Variants in NBAS observed in about 807,000 individuals in gnomAD.
NBAS encodes the protein NBAS subunit of NRZ tethering complex, also known as NAG/BC035112 fusion.
A neutral mutation model predicts 302.5 loss-of-function variants in NBAS; 219 were observed. The observed-to-expected ratio is 0.72, with a 90% CI of 0.65 to 0.81. NBAS has a LOEUF of 0.81. NBAS is among the 30% of genes least tolerant of loss of function. The probability of loss-of-function intolerance (pLI) is 0.00; values close to 1 mark genes in which losing one functional copy is unlikely to be tolerated. For synonymous variants in NBAS, 1,118 were observed against 1,021.6 expected (o/e 1.09, Z -1.80); for missense variants, 2,932 against 2,841.6 (o/e 1.03, Z -0.72).
In NBAS at chr2:15,505,685, A is replaced by G. The variant is rs192457750; in HGVS notation, c.886-1472T>C. ...AATATCATAAAAATGAACAAGAAAGAGATTCACAATAGTTTGCAGACATGA... is the reference window on the plus strand; with the variant it reads ...AATATCATAAAAATGAACAAGAAAGGGATTCACAATAGTTTGCAGACATGA... On this transcript the variant is annotated intron_variant, in intron 10 of 51. Transcript: ENST00000281513. Among the ~76,000 whole-genome samples, 467 of 152,326 alleles carry G rather than the reference A, an allele frequency of 3.1e-3. 1 individual carries two copies. The highest frequency in any genetic ancestry group is 0.01 in the African/African-American group (433 of 41,568).
intron 26 of NBAS, among the ~76,000 whole-genome samples, chr2:15,399,432 G>C (rs6753645): frequency 0.63 from 95,108 of 151,882 alleles, 30,540 homozygotes; most frequent in Middle Eastern, 0.69. Context: ...GGGAACAACA[G>C]TTTGCTACAA....
chr2:15,371,926 G>A (rs1013609857), intron 31 of NBAS, among the ~76,000 whole-genome samples: 10 of 152,098 alleles, frequency 6.6e-5, no homozygotes, highest in African/African-American at 1.4e-4. Context: ...ATACCTTTAA[G>A]TATAAAAATA....
intron 35 of NBAS, among the ~76,000 whole-genome samples, chr2:15,349,070 A>C (rs915873638): frequency 1.3e-5 from 2 of 152,218 alleles, no homozygotes; most frequent in Non-Finnish European, 2.9e-5. Flanking sequence ...ATAACACTAA[A>C]GGCACCAAAG....
At chr2:15,210,791 A>G (rs536309126) in intron 48 of NBAS, among the ~76,000 whole-genome samples, 4 of 152,360 alleles carry the variant, frequency 2.6e-5, no homozygotes, top group South Asian at 4.1e-4. Context: ...CTATTCAGCC[A>G]TAAAAAGAAT....
At chr2:15,226,909 CTT>C (rs372211969) in intron 47 of NBAS, among the ~76,000 whole-genome samples, 12 of 152,264 alleles carry the variant, frequency 7.9e-5, no homozygotes, top group African/African-American at 2.4e-4. Context: ...ACTTCCTTCT[CTT>C]GTCTTATTGC....
At chr2:14,791,646 A>G in the NBAS span, among the ~76,000 whole-genome samples, 1 of 151,966 alleles carries the variant, frequency 6.6e-6, no homozygotes, top group Non-Finnish European at 1.5e-5. Context: ...TACTAAAAAT[A>G]CAAAAAAACT....
chr2:15,443,313 T>G (rs1360564057), intron 21 of NBAS, among the ~76,000 whole-genome samples: 1 of 150,476 alleles, frequency 6.6e-6, no homozygotes, highest in African/African-American at 2.4e-5. Context: ...CATGATCAAG[T>G]GGGCTTCATC....
intron 47 of NBAS, among the ~76,000 whole-genome samples, chr2:15,228,364 A>C (rs921224683): frequency 2.0e-5 from 3 of 152,224 alleles, no homozygotes; most frequent in African/African-American, 7.2e-5. Context: ...GGTGCAGAGA[A>C]AAGTGGACCC....
chr2:15,196,740 C>T (rs1461172873), intron 48 of NBAS, among the ~76,000 whole-genome samples: 1 of 152,112 alleles, frequency 6.6e-6, no homozygotes, highest in Non-Finnish European at 1.5e-5. Context: ...ACTTGGATGA[C>T]AGATCTGTTG....
At chr2:15,159,135 G>C in the NBAS span, among the ~76,000 whole-genome samples, 1 of 152,192 alleles carries the variant, frequency 6.6e-6, no homozygotes, top group Non-Finnish European at 1.5e-5. Context: ...AACAAGTAGG[G>C]AGGAATCTGG....
At chr2:15,353,319 C>A (rs1301823614) in intron 34 of NBAS, among the ~76,000 whole-genome samples, 1 of 152,158 alleles carries the variant, frequency 6.6e-6, no homozygotes, top group Non-Finnish European at 1.5e-5. Context: ...CCAAATATTA[C>A]TTTCTTTCTT....
chr2:14,936,588 G>A, the NBAS span, among the ~76,000 whole-genome samples: 2 of 152,306 alleles, frequency 1.3e-5, no homozygotes, highest in East Asian at 3.9e-4. Flanking sequence ...GGCCACTTCT[G>A]ACCACATTAG....
At chr2:15,422,027 C>G (rs946502089) in intron 23 of NBAS, among the ~76,000 whole-genome samples, 10 of 152,154 alleles carry the variant, frequency 6.6e-5, no homozygotes, top group African/African-American at 2.4e-4. Context: ...CTGTACATCC[C>G]AAGAGTTTTG....
At chr2:15,457,791 A>C (rs1310795220) in intron 21 of NBAS, among the ~76,000 whole-genome samples, 1 of 152,232 alleles carries the variant, frequency 6.6e-6, no homozygotes, top group Middle Eastern at 3.2e-3. Flanking sequence ...AAGAACCCTC[A>C]CAACGGAAAT....
At chr2:14,844,349 G>T in the NBAS span, among the ~76,000 whole-genome samples, 2 of 152,086 alleles carry the variant, frequency 1.3e-5, no homozygotes, top group Non-Finnish European at 2.9e-5. Flanking sequence ...AGTCCCAGCA[G>T]GACTCATAAT....
At chr2:15,291,344 T>C (rs768409247) in intron 41 of NBAS, among the ~76,000 whole-genome samples, 2 of 152,230 alleles carry the variant, frequency 1.3e-5, no homozygotes, top group Non-Finnish European at 2.9e-5. Flanking sequence ...CACAGGGTTA[T>C]CCTTGAGGAT....
the NBAS span, among the ~76,000 whole-genome samples, chr2:15,029,213 G>A: frequency 6.6e-6 from 1 of 152,318 alleles, no homozygotes; most frequent in African/African-American, 2.4e-5. Flanking sequence ...AAAGCTCGTA[G>A]AGAACTCTCT....
rs772685590 is a variant in NBAS, at chr2:15,292,692, G to A, written c.4872C>T (p.Asp1624=). ...TRHEHEAWPE[D]LISLTKQLHC... ...GTAACTGCTTGGTCAGTGAAATAAG[G>A]TCTTCAGGCCAGGCTTCGTGCTCAT... Residue 1624 remains aspartate (D), a synonymous_variant, in exon 41 of 52, where the codon GAC becomes GAT. Coordinates refer to ENST00000281513, the MANE Select transcript of NBAS (RefSeq NM_015909.4). 6.2e-7 allele frequency: 1 copy of A among 1,614,176 alleles called. No homozygotes were observed. The highest frequency in any genetic ancestry group is 2.2e-5 in the East Asian group (1 of 44,870).
chr2:15,398,246 C>T (rs557368339), intron 26 of NBAS, among the ~76,000 whole-genome samples: 25 of 152,134 alleles, frequency 1.6e-4, no homozygotes, highest in Admixed American at 1.2e-3. Context: ...TGGGCTCAAG[C>T]GATCCTCCTG....
Sources: allele counts gnomAD v4.1 joint callset (sites outside exome capture counted in the v4.1 genomes callset), GRCh38; gene constraint gnomAD v4.1.1; transcripts MANE v1.5; gene names NCBI Gene and HGNC (gene_info 2026-07-23, HGNC 2026-07-21).